IQCM: variants seen among roughly 807,000 people sequenced by gnomAD.
IQCM encodes IQ motif containing M.
IQCM carries 45 observed loss-of-function variants against 57.6 expected under a neutral mutation model. The observed-to-expected ratio is 0.78, with a 90% CI of 0.62 to 1.00. The LOEUF (loss-of-function observed/expected upper bound fraction) is 1.00. Among genes scored for constraint, IQCM ranks in the 50% least tolerant of loss-of-function variants. The pLI is 0.00. For missense variants in IQCM, 468 were observed against 511.6 expected (o/e 0.91, Z 0.82); for synonymous variants, 148 against 158.9 (o/e 0.93, Z 0.51).
chr4:149,466,108 T>C (rs532179005), intron 12 of IQCM, among the ~76,000 whole-genome samples: 4 of 152,340 alleles, frequency 2.6e-5, no homozygotes, highest in Admixed American at 2.6e-4. Flanking sequence ...ATTCTGCTGT[T>C]CATCAACATT....
intron 7 of IQCM, among the ~76,000 whole-genome samples, chr4:149,657,960 T>C (rs1579880185): frequency 6.6e-6 from 1 of 152,242 alleles, no homozygotes; most frequent in East Asian, 1.9e-4. Flanking sequence ...CTCTTTATGC[T>C]ATTATTTTGT....
At chr4:149,438,756 A>T (rs1735620365) in intron 12 of IQCM, among the ~76,000 whole-genome samples, 1 of 152,086 alleles carries the variant, frequency 6.6e-6, no homozygotes, top group Non-Finnish European at 1.5e-5. Flanking sequence ...TTAAGCTGAA[A>T]GATCATTCTT....
intron 7 of IQCM, among the ~76,000 whole-genome samples, chr4:149,671,584 A>T (rs551535021): frequency 1.3e-5 from 2 of 152,216 alleles, no homozygotes; most frequent in South Asian, 4.1e-4. Context: ...TGTCAATTTT[A>T]GATCTTTCCT....
intron 7 of IQCM, among the ~76,000 whole-genome samples, chr4:149,624,553 G>A (rs1464365444): frequency 6.6e-6 from 1 of 151,998 alleles, no homozygotes; most frequent in African/African-American, 2.4e-5. Flanking sequence ...TGAAAAGATC[G>A]TATACGACAG....
intron 12 of IQCM, among the ~76,000 whole-genome samples, chr4:149,502,509 A>G (rs1238244751): frequency 6.6e-6 from 1 of 152,066 alleles, no homozygotes; most frequent in East Asian, 1.9e-4. Flanking sequence ...CTCTGCAAAC[A>G]AAACAAAACA....
At chr4:149,359,517 A>G (rs918916012) in intron 13 of IQCM, among the ~76,000 whole-genome samples, 1 of 152,180 alleles carries the variant, frequency 6.6e-6, no homozygotes, top group Non-Finnish European at 1.5e-5. Context: ...TAATTAGGAA[A>G]TAATTAGAAA....
At chr4:149,517,624 G>A (rs1421900656) in intron 12 of IQCM, among the ~76,000 whole-genome samples, 1 of 152,094 alleles carries the variant, frequency 6.6e-6, no homozygotes, top group Non-Finnish European at 1.5e-5. Context: ...ATTGATCCTT[G>A]GCATGTCTGA....
At chr4:149,481,701 G>GTTTTTTTTTTTTGTTTTTTCTTTTT (rs751057249) in intron 12 of IQCM, among the ~76,000 whole-genome samples, 1 of 51,550 alleles carries the variant, frequency 1.9e-5, no homozygotes, top group Non-Finnish European at 3.7e-5. Flanking sequence ...TTCCAGTTTT[G>GTTTTTTTTTTTTGTTTTTTCTTTTT]TTTTTTTTTT....
chr4:149,621,036 T>C (rs542346914), intron 8 of IQCM, 93 bp downstream of exon 8: 8 of 479,378 alleles, frequency 1.7e-5, no homozygotes, highest in Non-Finnish European at 2.7e-5. Context: ...AACAGGTCCA[T>C]AGTAAAATCT....
chr4:149,755,475 G>A (rs1768875469), intron 2 of IQCM, among the ~76,000 whole-genome samples: 1 of 152,000 alleles, frequency 6.6e-6, no homozygotes, highest in South Asian at 2.1e-4. Context: ...ATTTGCATTT[G>A]CTACCTTATT....
chr4:149,365,914 G>T (rs1360854057), intron 13 of IQCM, among the ~76,000 whole-genome samples: 1 of 152,062 alleles, frequency 6.6e-6, no homozygotes, highest in East Asian at 1.9e-4. Flanking sequence ...AATGGAAAAA[G>T]GACATTAGTG....
chr4:149,528,768 G>A (rs576519868), intron 12 of IQCM, among the ~76,000 whole-genome samples: 248 of 152,216 alleles, frequency 1.6e-3, no homozygotes, highest in African/African-American at 5.8e-3. Flanking sequence ...ATGCTCAGTA[G>A]ATGGTACTTC....
intron 12 of IQCM, among the ~76,000 whole-genome samples, chr4:149,478,947 G>A (rs961362845): frequency 7.2e-5 from 10 of 139,068 alleles, no homozygotes; most frequent in Non-Finnish European, 1.2e-4. Context: ...TAGAGGGAAG[G>A]GACTGTGTCC....
rs375438848 is a variant in IQCM, at chr4:149,431,413, C to G, written c.1390+1983G>C. Among the ~76,000 whole-genome samples, 6 of 151,924 alleles carry G rather than the reference C, an allele frequency of 3.9e-5. No individual in the cohort carries two copies. In the East Asian group the frequency reaches 1.2e-3, roughly 30 times the overall value. On this transcript the variant is annotated intron_variant, in intron 13 of 13. Coordinates refer to ENST00000636793, the MANE Select transcript of IQCM (RefSeq NM_001363507.2). Reference sequence around the variant, plus strand: ...TGGTTTAATTCACGTTTCCCTATGACTAATGACGGTACACATCTTCTTATG... The same window carrying G: ...TGGTTTAATTCACGTTTCCCTATGAGTAATGACGGTACACATCTTCTTATG...
intron 8 of IQCM, among the ~76,000 whole-genome samples, chr4:149,594,385 T>C (rs2150017219): frequency 6.6e-6 from 1 of 152,334 alleles, no homozygotes; most frequent in East Asian, 1.9e-4. Context: ...CTATCAATTT[T>C]GTTGATCTTT....
At chr4:149,352,371 A>C (rs1728640131) in intron 13 of IQCM, among the ~76,000 whole-genome samples, 2 of 152,104 alleles carry the variant, frequency 1.3e-5, no homozygotes, top group African/African-American at 2.4e-5. Context: ...GATTCAAGGA[A>C]CTGCAGATAA....
At chr4:149,401,991 T>C (rs1732647880) in intron 13 of IQCM, among the ~76,000 whole-genome samples, 1 of 151,862 alleles carries the variant, frequency 6.6e-6, no homozygotes, top group Non-Finnish European at 1.5e-5. Context: ...TAGGGAAATG[T>C]TGATACACGG....
intron 5 of IQCM, among the ~76,000 whole-genome samples, chr4:149,715,019 C>T (rs1764871704): frequency 6.6e-6 from 1 of 152,292 alleles, no homozygotes; most frequent in Non-Finnish European, 1.5e-5. Flanking sequence ...GTTAACTTCA[C>T]GTAACTAAAA....
chr4:149,588,122 C>T (rs2150000681), intron 8 of IQCM, 125 bp from the exon 9 acceptor site: 1 of 411,802 alleles, frequency 2.4e-6, no homozygotes, highest in East Asian at 3.7e-5. Context: ...TATTATGAAT[C>T]TGCACATTTA....
Sources: allele counts gnomAD v4.1 joint callset (sites outside exome capture counted in the v4.1 genomes callset), GRCh38; gene constraint gnomAD v4.1.1; transcripts MANE v1.5; gene names NCBI Gene and HGNC (gene_info 2026-07-23, HGNC 2026-07-21).